The following MAN1C1 variants were observed in gnomAD, a reference collection of about 807,000 sequenced individuals.
MAN1C1 encodes the protein mannosidase alpha class 1C member 1, also known as mannosyl-oligosaccharide 1,2-alpha-mannosidase IC.
Under a neutral mutation model 71.5 loss-of-function variants are expected in MAN1C1, and 49 were observed. That is an observed-to-expected ratio of 0.69 (90% CI 0.54 to 0.87). MAN1C1 has a LOEUF of 0.87. Among genes scored for constraint, MAN1C1 ranks in the 40% least tolerant of loss-of-function variants. The probability of loss-of-function intolerance (pLI) is 0.00; values close to 1 mark genes in which losing one functional copy is unlikely to be tolerated. For missense variants in MAN1C1, 743 were observed against 835.0 expected, an observed-to-expected ratio of 0.89 and a Z score of 1.36; for synonymous variants, 352 against 343.7, an observed-to-expected ratio of 1.02 and a Z score of -0.27.
chr1:25,746,817 G>C lies in MAN1C1; in HGVS notation c.753+34G>C. The C allele has an allele frequency of 1.7e-6, 2 of 1,157,012 alleles. No individual in the cohort carries two copies. Among genetic ancestry groups the C allele is most frequent in the Middle Eastern group, 2.0e-4 (1 of 5,010 alleles). The allele number at this position is 1,157,012 out of a possible 1,614,324, so 71.7% of individuals were successfully genotyped here. On this transcript the variant is annotated intron_variant, in intron 3 of 11. Transcript: ENST00000374332. The surrounding 1 kb of genome is among the most constrained non-coding windows in gnomAD (Gnocchi z 4.0). Reference sequence around the variant, plus strand: ...GAGGCCCTCGGCGGGGGAGGGGGGCGGGGGCCAGAAGAGGCCCAACAGCCA... The same window carrying C: ...GAGGCCCTCGGCGGGGGAGGGGGGCCGGGGCCAGAAGAGGCCCAACAGCCA...
At chr1:25,705,778 A>G (rs1344455558) in intron 2 of MAN1C1, among the ~76,000 whole-genome samples, 4 of 152,224 alleles carry the variant, frequency 2.6e-5, no homozygotes, top group Non-Finnish European at 1.5e-5. Context: ...CCCTGTCTCT[A>G]CAAGAAATTT....
chr1:25,627,031 T>G (rs2045305155), intron 1 of MAN1C1, among the ~76,000 whole-genome samples: 1 of 152,228 alleles, frequency 6.6e-6, no homozygotes, highest in Admixed American at 6.5e-5. Flanking sequence ...AGGTCTTTCA[T>G]TGACTTCAAG....
At chr1:25,734,667 C>G (rs1272267353) in intron 2 of MAN1C1, among the ~76,000 whole-genome samples, 1 of 152,186 alleles carries the variant, frequency 6.6e-6, no homozygotes, top group African/African-American at 2.4e-5. Flanking sequence ...CACTGGCTGT[C>G]TAGGTGGCCT....
rs367975207 is a variant in MAN1C1 at position 25,725,817 on chromosome 1, A to G, written c.638-20851A>G. Among the ~76,000 whole-genome samples, 1 of 152,224 alleles carries G rather than the reference A, an allele frequency of 6.6e-6. No individual in the cohort carries two copies. The highest frequency in any genetic ancestry group is 2.4e-5 in the African/African-American group (1 of 41,464). On this transcript the variant is annotated intron_variant, in intron 2 of 11. Coordinates refer to ENST00000374332, the MANE Select transcript of MAN1C1 (RefSeq NM_020379.4). The surrounding 1 kb of genome is among the most constrained non-coding windows in gnomAD (Gnocchi z 4.8). ...ATCTGAAAGCCGGGGGCTGGGTTCAAGGCACCTGAGAACAACAGATGCACA... is the reference window on the plus strand; with the variant it reads ...ATCTGAAAGCCGGGGGCTGGGTTCAGGGCACCTGAGAACAACAGATGCACA...
chr1:25,773,061 A>T (rs780731847), intron 8 of MAN1C1, among the ~76,000 whole-genome samples: 7 of 152,220 alleles, frequency 4.6e-5, no homozygotes, highest in Non-Finnish European at 1.0e-4. Flanking sequence ...TCACAGGCAC[A>T]TATTTGTTTA....
At position 25,618,185 on chromosome 1, in the gene MAN1C1, C is replaced by G. The variant is rs1203125106; in HGVS notation, c.388C>G (p.Pro130Ala). 4 of 1,576,042 alleles carry G rather than the reference C, an allele frequency of 2.5e-6. No homozygotes were observed. The African/African-American group carries it at 5.4e-5, about 21-fold the overall frequency. ...EATAARGNSI[P>A]ASRPGDEGVP... ...CACGGCGGCCCGGGGCAATAGCATCCCGGCCTCCAGGCCCGGGGACGAGGG... is the reference window on the plus strand; with the variant it reads ...CACGGCGGCCCGGGGCAATAGCATCGCGGCCTCCAGGCCCGGGGACGAGGG... The change falls in exon 1 of 12, where the codon CCG (proline) becomes GCG (alanine). Residue 130 changes from proline (P) to alanine (A), a missense_variant. Pro to Ala is a conservative substitution (Grantham distance 27, BLOSUM62 -1). Transcript: ENST00000374332.
intron 2 of MAN1C1, among the ~76,000 whole-genome samples, chr1:25,717,395 G>A (rs1048750648): frequency 6.6e-6 from 1 of 151,972 alleles, no homozygotes; most frequent in African/African-American, 2.4e-5. Flanking sequence ...GGTGGTGCAT[G>A]CCTGTAGCCC....
At position 25,753,468 on chromosome 1, in the gene MAN1C1, A is replaced by T. The variant is rs1272135307; in HGVS notation, c.835-16A>T. 1.1e-5 allele frequency: 18 copies of T among 1,603,728 alleles called. No individual in the cohort carries two copies. Among genetic ancestry groups the T allele is most frequent in the Non-Finnish European group, 1.5e-5 (18 of 1,172,758 alleles). ...CCAGCCTGGAGTCAAAAGCCCTTTG[A>T]TCCCCTCCTTTACAGGTGTTCCGAA... is the stretch of plus-strand genomic sequence containing the variant. On this transcript the variant is annotated splice_polypyrimidine_tract_variant and intron_variant, in intron 4 of 11. Coordinates refer to ENST00000374332, the MANE Select transcript of MAN1C1 (RefSeq NM_020379.4). The surrounding 1 kb of genome is among the most constrained non-coding windows in gnomAD (Gnocchi z 4.9).
intron 1 of MAN1C1, among the ~76,000 whole-genome samples, chr1:25,666,344 C>T (rs1208262952): frequency 6.6e-6 from 1 of 152,182 alleles, no homozygotes; most frequent in African/African-American, 2.4e-5. Flanking sequence ...AGGAGGGGGG[C>T]TGTTGAATTC....
intron 1 of MAN1C1, among the ~76,000 whole-genome samples, chr1:25,652,776 G>T (rs955106864): frequency 5.9e-5 from 9 of 152,216 alleles, no homozygotes; most frequent in Admixed American, 4.6e-4. Context: ...TCAGCAGGGT[G>T]CCTGGCCCGT....
chr1:25,734,294 G>A (rs3014690), intron 2 of MAN1C1, among the ~76,000 whole-genome samples: 41,146 of 151,230 alleles, frequency 0.27, 10,691 homozygotes, highest in African/African-American at 0.68. Flanking sequence ...ATGCCCAGCT[G>A]ACTTTTGTAT....
At chr1:25,686,567 G>A (rs2046234507) in intron 2 of MAN1C1, 31 bp downstream of exon 2, 1 of 1,594,690 alleles carries the variant, frequency 6.3e-7, no homozygotes, top group East Asian at 2.2e-5. Flanking sequence ...TTGATATTGG[G>A]AGGGACCCAC....
chr1:25,774,620 C>A (rs1013902429), intron 8 of MAN1C1, among the ~76,000 whole-genome samples: 1 of 152,202 alleles, frequency 6.6e-6, no homozygotes, highest in African/African-American at 2.4e-5. Context: ...CTTTAATCCT[C>A]ACAACCAACC....
intron 1 of MAN1C1, among the ~76,000 whole-genome samples, chr1:25,657,921 G>T (rs1460852112): frequency 1.3e-5 from 2 of 152,188 alleles, no homozygotes; most frequent in African/African-American, 2.4e-5. Context: ...ATGGAAGGAA[G>T]TGGATGGACA....
In MAN1C1 at chr1:25,729,048, C is replaced by T. The variant is rs572115303; in HGVS notation, c.638-17620C>T. ...TGCCCCTTCGTTAGCTTCTAATGTA[C>T]ATGGTTTGCTCATGGCCCAGCCCTG... On this transcript the variant is annotated intron_variant, in intron 2 of 11. Coordinates refer to ENST00000374332, the MANE Select transcript of MAN1C1 (RefSeq NM_020379.4). 3.9e-5 allele frequency among the ~76,000 whole-genome samples: 6 copies of T among 152,372 alleles called. No homozygotes were observed. The South Asian group carries it at 8.3e-4, about 21-fold the overall frequency.
chr1:25,617,544 C>T lies in MAN1C1; in HGVS notation c.-254C>T, dbSNP rs1486422688. ...GGCGCGCGGCCGGTCGCTGCGGGCC[C>T]GGGCCCCAAGCCGTGCCGCTCCGCT... is the stretch of plus-strand genomic sequence containing the variant. On this transcript the variant is annotated 5_prime_UTR_variant, in exon 1 of 12. Coordinates refer to ENST00000374332, the MANE Select transcript of MAN1C1 (RefSeq NM_020379.4). The surrounding 1 kb of genome is among the most constrained non-coding windows in gnomAD (Gnocchi z 5.1). 9.3e-5 allele frequency: 16 copies of T among 172,198 alleles called. No homozygotes were observed. The highest frequency in any genetic ancestry group is 1.9e-4 in the Non-Finnish European group (16 of 82,952). 10.7% of individuals were successfully genotyped at this position (172,198 alleles called of 1,614,324 possible).
intron 1 of MAN1C1, among the ~76,000 whole-genome samples, chr1:25,680,689 C>T (rs2046139326): frequency 6.6e-6 from 1 of 152,204 alleles, no homozygotes; most frequent in Admixed American, 6.5e-5. Flanking sequence ...GCATGGTATA[C>T]CACATTCTGT....
rs1282150212 is a variant in MAN1C1 at position 25,775,808 on chromosome 1, T to C, written c.1258-2297T>C. 3 of 152,178 alleles carry C rather than the reference T, an allele frequency of 2.0e-5. No homozygotes were observed. Among genetic ancestry groups the C allele is most frequent in the African/African-American group, 7.2e-5 (3 of 41,420 alleles). The allele number at this position is 152,178 out of a possible 1,614,324, so 9.4% of individuals were successfully genotyped here. ...AAGAATGTCACCTTTGCAGAGAGAT[T>C]TTCCCTGACCTCCCTCTGCAAAGTA... On this transcript the variant is annotated intron_variant, in intron 8 of 11. Transcript: ENST00000374332. The surrounding 1 kb of genome is among the most constrained non-coding windows in gnomAD (Gnocchi z 5.1).
intron 1 of MAN1C1, among the ~76,000 whole-genome samples, chr1:25,676,868 A>C (rs933269289): frequency 6.6e-6 from 1 of 152,002 alleles, no homozygotes; most frequent in Non-Finnish European, 1.5e-5. Context: ...CCTTCCTTCC[A>C]AGTTGTACCC....
Sources: allele counts gnomAD v4.1 joint callset (sites outside exome capture counted in the v4.1 genomes callset), GRCh38; gene constraint gnomAD v4.1.1; non-coding constraint Gnocchi (gnomAD v3.1); transcripts MANE v1.5; gene names NCBI Gene and HGNC (gene_info 2026-07-23, HGNC 2026-07-21).